Variants in MGAT4C observed in about 807,000 individuals in gnomAD.
The protein encoded by MGAT4C is MGAT4 family member C.
MGAT4C carries 19 observed loss-of-function variants against 40.1 expected under a neutral mutation model. The ratio of observed to expected loss-of-function variants is 0.47; its 90% CI spans 0.33 to 0.70. MGAT4C has a LOEUF of 0.70. Ranked by LOEUF, MGAT4C falls within the 30% of genes least tolerant of loss-of-function variation. The pLI is 0.02. For synonymous variants in MGAT4C, 181 were observed against 187.1 expected (o/e 0.97, Z 0.27); for missense variants, 491 against 563.2 (o/e 0.87, Z 1.30).
At chr12:86,260,956 G>A (rs1952645628), upstream of MGAT4C, among the ~76,000 whole-genome samples, 1 of 151,546 alleles carries the variant, frequency 6.6e-6, no homozygotes, top group South Asian at 2.1e-4. Flanking sequence ...GAAGAGAAAG[G>A]TTTGTTCATT....
chr12:86,315,196 GA>G (rs1954174962), intron 4 of MGAT4C, among the ~76,000 whole-genome samples: 2 of 151,988 alleles, frequency 1.3e-5, no homozygotes, highest in Admixed American at 1.3e-4. Context: ...TGGAGAACCA[GA>G]AATAAAGCCA....
At chr12:86,736,894 C>G (rs1431389545) in intron 1 of MGAT4C, among the ~76,000 whole-genome samples, 1 of 151,308 alleles carries the variant, frequency 6.6e-6, no homozygotes, top group Non-Finnish European at 1.5e-5. Context: ...GTGTACATAA[C>G]CTTATCCCTT....
At position 86,480,429 on chromosome 12, in the gene MGAT4C, CATGT is replaced by C. The variant is rs541378850; in HGVS notation, c.-228-45168_-228-45165del. Among the ~76,000 whole-genome samples, 152 of 146,618 alleles carry C rather than the reference CATGT, an allele frequency of 1.0e-3. 1 individual carries two copies. Among genetic ancestry groups the C allele is most frequent in the African/African-American group, 3.0e-3 (122 of 40,222 alleles). On this transcript the variant is annotated intron_variant, in intron 2 of 7. Transcript: ENST00000548651. ...TAAGTATATATATCCAACATATAAA[CATGT>C]ATGTATGTATACATATATAGATATG...
chr12:86,775,398 C>T (rs900331192), intron 1 of MGAT4C, among the ~76,000 whole-genome samples: 5 of 150,408 alleles, frequency 3.3e-5, no homozygotes, highest in African/African-American at 1.2e-4. Flanking sequence ...GATGTATGAT[C>T]TAATATATAA....
intron 2 of MGAT4C, among the ~76,000 whole-genome samples, chr12:86,447,453 C>G (rs939826847): frequency 1.3e-5 from 2 of 152,108 alleles, no homozygotes; most frequent in African/African-American, 2.4e-5. Context: ...TGACTGGAAA[C>G]AACTTGGCTA....
chr12:86,504,056 A>C (rs1958425512), intron 2 of MGAT4C, among the ~76,000 whole-genome samples: 1 of 151,678 alleles, frequency 6.6e-6, no homozygotes. Flanking sequence ...CAAATGGCCA[A>C]CAAACCTAAG....
chr12:85,970,391 A>G lies in MGAT4C; in HGVS notation c.*8898T>C, dbSNP rs1213776920. The G allele has an allele frequency of 6.6e-6, 1 of 151,346 alleles. No individual in the cohort carries two copies. The highest frequency in any genetic ancestry group is 2.4e-5 in the African/African-American group (1 of 41,376). The allele number at this position is 151,346 out of a possible 1,614,324, so 9.4% of individuals were successfully genotyped here. On this transcript the variant is annotated 3_prime_UTR_variant, in exon 5 of 5. Transcript: ENST00000611864. Reference sequence around the variant, plus strand: ...AATTTAGTTTTATCTTGTGGTCTGGAAATACACCCTAAATTATTGGGTCAA... The same window carrying G: ...AATTTAGTTTTATCTTGTGGTCTGGGAATACACCCTAAATTATTGGGTCAA...
In MGAT4C at chr12:85,971,711, G is replaced by A. The variant is rs1031325115; in HGVS notation, c.*7578C>T. 1 of 151,076 alleles carries A rather than the reference G, an allele frequency of 6.6e-6. No homozygotes were observed. Among genetic ancestry groups the A allele is most frequent in the African/African-American group, 2.4e-5 (1 of 41,314 alleles). 9.4% of individuals were successfully genotyped at this position (151,076 alleles called of 1,614,324 possible). On this transcript the variant is annotated 3_prime_UTR_variant, in exon 5 of 5. Coordinates refer to ENST00000611864, the MANE Select transcript of MGAT4C (RefSeq NM_001351288.2). The stretch of plus-strand genomic sequence containing the variant: ...TGATTTGCTTGAATACAAGCAAGTC[G>A]AGCTATGGTAATTTGCAATGCTGAC...
At chr12:86,157,610 GA>G (rs200155909) in intron 1 of MGAT4C, among the ~76,000 whole-genome samples, 23 of 149,870 alleles carry the variant, frequency 1.5e-4, no homozygotes, top group African/African-American at 4.9e-4. Context: ...ATAAAGAAAA[GA>G]AAAAAAAAGA....
At chr12:86,836,937 G>A (rs1953048905) in intron 1 of MGAT4C, among the ~76,000 whole-genome samples, 1 of 152,054 alleles carries the variant, frequency 6.6e-6, no homozygotes, top group Non-Finnish European at 1.5e-5. Context: ...ATTTTCGGAA[G>A]AGTCAGTTGT....
At position 85,958,103 on chromosome 12, in the gene MGAT4C, G is replaced by C. The variant is rs966940861; in HGVS notation, c.*21186C>G. The C allele has an allele frequency of 6.6e-6, 1 of 151,476 alleles. No individual in the cohort carries two copies. The highest frequency in any genetic ancestry group is 1.5e-5 in the Non-Finnish European group (1 of 68,098). The allele number at this position is 151,476 out of a possible 1,614,324, so 9.4% of individuals were successfully genotyped here. A position where few individuals can be genotyped will look rare whatever the true frequency, so the allele number is the denominator to read the frequency against. On this transcript the variant is annotated 3_prime_UTR_variant, in exon 5 of 5. Coordinates refer to ENST00000611864, the MANE Select transcript of MGAT4C (RefSeq NM_001351288.2). The stretch of plus-strand genomic sequence containing the variant: ...TGTTTTTGTTTTGAGACAGAGTCTT[G>C]CTCTGTTGTCCAGGCTGGAGTGCAG...
At chr12:86,421,308 T>A (rs976743731) in intron 3 of MGAT4C, among the ~76,000 whole-genome samples, 2 of 152,214 alleles carry the variant, frequency 1.3e-5, no homozygotes, top group African/African-American at 4.8e-5. Flanking sequence ...GACATTTAGA[T>A]TTCCAGAAGT....
chr12:86,660,768 T>C (rs909931482), intron 2 of MGAT4C, among the ~76,000 whole-genome samples: 6 of 152,164 alleles, frequency 3.9e-5, no homozygotes, highest in Non-Finnish European at 7.3e-5. Context: ...TCAGCCCTTA[T>C]GTAGCACAGG....
At chr12:86,336,907 T>C (rs1022382269) in intron 3 of MGAT4C, among the ~76,000 whole-genome samples, 8 of 152,160 alleles carry the variant, frequency 5.3e-5, no homozygotes, top group African/African-American at 1.9e-4. Flanking sequence ...AACTTAATAT[T>C]CACTGCCAAG....
In MGAT4C at chr12:86,036,291, T is replaced by C. The variant is rs1460685123; in HGVS notation, c.-7+13383A>G. ...ACACTTTGACTTCCTCTTTTCTTAA[T>C]TGAATAGCCTTTATTTATTTCTCTT... On this transcript the variant is annotated intron_variant, in intron 2 of 4. Transcript: ENST00000611864. Among the ~76,000 whole-genome samples, 5 of 150,006 alleles carry C rather than the reference T, an allele frequency of 3.3e-5. No individual in the cohort carries two copies. The East Asian group carries it at 9.6e-4, about 29-fold the overall frequency.
chr12:86,241,469 G>T (rs1438416528), intron 1 of MGAT4C, among the ~76,000 whole-genome samples: 1 of 151,970 alleles, frequency 6.6e-6, no homozygotes, highest in Admixed American at 6.6e-5. Context: ...ATTATTACGG[G>T]CTCATAAATT....
intron 1 of MGAT4C, among the ~76,000 whole-genome samples, chr12:86,121,212 A>G (rs1879320822): frequency 6.6e-6 from 1 of 152,144 alleles, no homozygotes; most frequent in African/African-American, 2.4e-5. Context: ...AGTAAAAAGA[A>G]ATGAACAAAG....
intron 1 of MGAT4C, among the ~76,000 whole-genome samples, chr12:86,119,380 T>C (rs1159157425): frequency 6.6e-6 from 1 of 152,092 alleles, no homozygotes; most frequent in Non-Finnish European, 1.5e-5. Flanking sequence ...CCCCATATTC[T>C]GAGAGGAGTG....
At chr12:86,485,027 C>T (rs1381901115) in intron 2 of MGAT4C, among the ~76,000 whole-genome samples, 1 of 152,056 alleles carries the variant, frequency 6.6e-6, no homozygotes, top group African/African-American at 2.4e-5. Context: ...CCTGTGACAC[C>T]CAGGGCAAGA....
Sources: gnomAD v4.1 joint callset for allele counts (sites outside exome capture counted in the v4.1 genomes callset) on GRCh38, gnomAD v4.1.1 for gene constraint, MANE v1.5 for transcripts, NCBI Gene and HGNC (gene_info 2026-07-23, HGNC 2026-07-21) for gene names.